Variants in OR10Z1 observed in about 807,000 individuals in gnomAD.
OR10Z1 encodes olfactory receptor family 10 subfamily Z member 1, also known as olfactory receptor 10Z1.
For missense variants in OR10Z1, 468 were observed against 371.0 expected (o/e 1.26, Z -2.15); for synonymous variants, 187 against 151.2 (o/e 1.24, Z -1.74).
rs116792162 is a variant in OR10Z1, at chr1:158,606,604, C to T, written c.166C>T (p.His56Tyr). The change falls in exon 2 of 2, where the codon CAC (histidine) becomes TAC (tyrosine). Residue 56 changes from histidine to tyrosine, a missense_variant. Physicochemically the swap from His to Tyr is moderately conservative, Grantham distance 83 (BLOSUM62 2). Transcript: ENST00000641002. ...AGCCATCAGGCTGGATAGCCATCTG[C>T]ACACCCCCATGTACCTCTTCCTTTC... is the stretch of plus-strand genomic sequence containing the variant. ...IIAIRLDSHL[H>Y]TPMYLFLSFL... 41 of 1,613,952 alleles carry T rather than the reference C, an allele frequency of 2.5e-5. No individual in the cohort carries two copies. Among genetic ancestry groups the T allele is most frequent in the Non-Finnish European group, 3.4e-5 (40 of 1,179,956 alleles).
Position 158,611,501 on chromosome 1 carries a change from G to C in OR10Z1, c.*4121G>C. 1.6e-6 allele frequency: 2 copies of C among 1,256,296 alleles called. No homozygotes were observed. Among genetic ancestry groups the C allele is most frequent in the South Asian group, 1.3e-5 (1 of 75,276 alleles). The allele number at this position is 1,256,296 out of a possible 1,614,324, so 77.8% of individuals were successfully genotyped here. A position where few individuals can be genotyped will look rare whatever the true frequency, so the allele number is the denominator to read the frequency against. On this transcript the variant is annotated 3_prime_UTR_variant, in exon 2 of 2. Coordinates refer to ENST00000641002, the MANE Select transcript of OR10Z1 (RefSeq NM_001004478.2). Reference sequence around the variant, plus strand: ...AGGAGATGGAGAGTCTCTGGAAGACGCAAGCCCTATTTCTATTACACACAA... The same window carrying C: ...AGGAGATGGAGAGTCTCTGGAAGACCCAAGCCCTATTTCTATTACACACAA...
At position 158,608,301 on chromosome 1, in the gene OR10Z1, G is replaced by A. The variant is rs760095185; in HGVS notation, c.*921G>A. The A allele has an allele frequency of 3.9e-5, 6 of 152,126 alleles. No homozygotes were observed. The highest frequency in any genetic ancestry group is 8.8e-5 in the Non-Finnish European group (6 of 68,020). 9.4% of individuals were successfully genotyped at this position (152,126 alleles called of 1,614,324 possible). On this transcript the variant is annotated 3_prime_UTR_variant, in exon 2 of 2. Coordinates refer to ENST00000641002, the MANE Select transcript of OR10Z1 (RefSeq NM_001004478.2). ...GCCTATTCCACTTTCCACATATAAT[G>A]TGGTTATATATAGCGGCGGACATTA...
At position 158,610,305 on chromosome 1, in the gene OR10Z1, C is replaced by T. The variant is rs1649179941; in HGVS notation, c.*2925C>T. Reference sequence around the variant, plus strand: ...AGAACGCTAGCAGTTTTATACACAGCAATTAAGATATCTAAGAATTCTCAC... The same window carrying T: ...AGAACGCTAGCAGTTTTATACACAGTAATTAAGATATCTAAGAATTCTCAC... On this transcript the variant is annotated 3_prime_UTR_variant, in exon 2 of 2. Coordinates refer to ENST00000641002, the MANE Select transcript of OR10Z1 (RefSeq NM_001004478.2). The T allele has an allele frequency of 6.6e-6, 1 of 152,062 alleles. No homozygotes were observed. The highest frequency in any genetic ancestry group is 2.4e-5 in the African/African-American group (1 of 41,412). 9.4% of individuals were successfully genotyped at this position (152,062 alleles called of 1,614,324 possible). A position where few individuals can be genotyped will look rare whatever the true frequency, so the allele number is the denominator to read the frequency against.
At position 158,606,348 on chromosome 1, in the gene OR10Z1, AG is replaced by A. The variant is rs1649046505; in HGVS notation, c.-90del. On this transcript the variant is annotated 5_prime_UTR_variant, in exon 2 of 2. An upstream open reading frame in the 5' UTR gains an earlier in-frame stop. Coordinates refer to ENST00000641002, the MANE Select transcript of OR10Z1 (RefSeq NM_001004478.2). ...AAGTTGCAACAGGAACAAGAGAAAA[AG>A]AATCCATATCATCCACCTTTTAAAG... 1.3e-6 allele frequency: 1 copy of A among 790,628 alleles called. No homozygotes were observed. The highest frequency in any genetic ancestry group is 2.1e-6 in the Non-Finnish European group (1 of 481,314). The allele number at this position is 790,628 out of a possible 1,614,324, so 49.0% of individuals were successfully genotyped here.
Position 158,606,967 on chromosome 1 carries a change from T to TC in OR10Z1, c.529_530insC (p.Phe177SerfsTer4), listed in dbSNP as rs1649069048. On this transcript the variant is annotated frameshift_variant, in exon 2 of 2. Coordinates refer to ENST00000641002, the MANE Select transcript of OR10Z1 (RefSeq NM_001004478.2). LOFTEE classifies it low-confidence loss of function (END_TRUNC). ...CTGCAGCTCCCATGAAATCCAGCAC[T>TC]TTTTTTGTGACACGCCACCTGTGCT... is the stretch of plus-strand genomic sequence containing the variant. 2 of 1,613,916 alleles carry TC rather than the reference T, an allele frequency of 1.2e-6. No homozygotes were observed. Among genetic ancestry groups the TC allele is most frequent in the African/African-American group, 2.7e-5 (2 of 74,904 alleles).
intron 1 of OR10Z1, among the ~76,000 whole-genome samples, chr1:158,605,997 A>G (rs1372474306): frequency 5.3e-5 from 8 of 152,226 alleles, no homozygotes; most frequent in African/African-American, 9.6e-5. Context: ...TTTGCATGCT[A>G]TCTATATACA....
In OR10Z1 at chr1:158,607,447, G is replaced by A. The variant is rs1238386894; in HGVS notation, c.*67G>A. ...ATAGACCAAGAACCCAAGCCAAAGG[G>A]CCAGGTATTCAAGGCCTCAGGCCAA... On this transcript the variant is annotated 3_prime_UTR_variant, in exon 2 of 2. Coordinates refer to ENST00000641002, the MANE Select transcript of OR10Z1 (RefSeq NM_001004478.2). The A allele has an allele frequency of 3.1e-6, 4 of 1,287,818 alleles. No homozygotes were observed. In the East Asian group the frequency reaches 7.0e-5, roughly 22 times the overall value. 79.8% of individuals were successfully genotyped at this position (1,287,818 alleles called of 1,614,324 possible).
In OR10Z1 at chr1:158,607,397, A is replaced by G; in HGVS notation, c.*17A>G. ...AAAGGATGAAGGTTACCCCAATAGG[A>G]CACTTTCTTCTGTGTAGGCTGGGCA... On this transcript the variant is annotated 3_prime_UTR_variant, in exon 2 of 2. Coordinates refer to ENST00000641002, the MANE Select transcript of OR10Z1 (RefSeq NM_001004478.2). The G allele has an allele frequency of 6.3e-7, 1 of 1,591,272 alleles. No individual in the cohort carries two copies. The highest frequency in any genetic ancestry group is 8.6e-7 in the Non-Finnish European group (1 of 1,162,524).
Position 158,607,335 on chromosome 1 carries a change from A to T in OR10Z1, c.897A>T (p.Thr299=), listed in dbSNP as rs773930048. 17 of 1,613,538 alleles carry T rather than the reference A, an allele frequency of 1.1e-5. No individual in the cohort carries two copies. Among genetic ancestry groups the T allele is most frequent in the Non-Finnish European group, 1.4e-5 (16 of 1,179,726 alleles). ...GTCTAAGGAATAGGGCTATACAGAC[A>T]GCTCTGAGGAATGCTTTCAGAGGGA... ...VYSLRNRAIQ[T]ALRNAFRGRL... The change falls in exon 2 of 2, where the codon ACA becomes ACT. Residue 299 remains threonine (T), a synonymous_variant. Transcript: ENST00000641002.
chr1:158,611,281 A>T lies in OR10Z1; in HGVS notation c.*3901A>T. On this transcript the variant is annotated 3_prime_UTR_variant, in exon 2 of 2. Transcript: ENST00000641002. ...GCTGCTTATTAGTTGCCAAAGTAGG[A>T]ATTGGTGAAGCCAACGTAGTCATAG... The T allele has an allele frequency of 6.2e-7, 1 of 1,613,790 alleles. No individual in the cohort carries two copies. The highest frequency in any genetic ancestry group is 8.5e-7 in the Non-Finnish European group (1 of 1,179,784).
rs549664412 is a variant in OR10Z1 at position 158,610,877 on chromosome 1, A to G, written c.*3497A>G. 204 of 202,872 alleles carry G rather than the reference A, an allele frequency of 1.0e-3. No homozygotes were observed. Among genetic ancestry groups the G allele is most frequent in the African/African-American group, 4.6e-3 (195 of 42,528 alleles). The allele number at this position is 202,872 out of a possible 1,614,324, so 12.6% of individuals were successfully genotyped here. The stretch of plus-strand genomic sequence containing the variant: ...ATGAGTACAGTTCCCAGAAATATAG[A>G]AGCTCAACATTTTACTTAACTTTGC... On this transcript the variant is annotated 3_prime_UTR_variant, in exon 2 of 2. Coordinates refer to ENST00000641002, the MANE Select transcript of OR10Z1 (RefSeq NM_001004478.2).
At position 158,611,131 on chromosome 1, in the gene OR10Z1, GC is replaced by G; in HGVS notation, c.*3752del. ...AAATGTAATATGCACACAAACACAA[GC>G]ACACACACACACACACACACACACA... On this transcript the variant is annotated 3_prime_UTR_variant, in exon 2 of 2. Coordinates refer to ENST00000641002, the MANE Select transcript of OR10Z1 (RefSeq NM_001004478.2). The G allele has an allele frequency of 1.5e-6, 1 of 670,346 alleles. No homozygotes were observed. Among genetic ancestry groups the G allele is most frequent in the Admixed American group, 2.3e-5 (1 of 43,668 alleles). 41.5% of individuals were successfully genotyped at this position (670,346 alleles called of 1,614,324 possible).
chr1:158,606,004 T>C (rs891270554), intron 1 of OR10Z1, among the ~76,000 whole-genome samples: 1 of 152,252 alleles, frequency 6.6e-6, no homozygotes, highest in African/African-American at 2.4e-5. Flanking sequence ...GCTATCTATA[T>C]ACATATGTGT....
rs1194163369 is a variant in OR10Z1, at chr1:158,608,627, A to G, written c.*1247A>G. 4 of 152,316 alleles carry G rather than the reference A, an allele frequency of 2.6e-5. No homozygotes were observed. Among genetic ancestry groups the G allele is most frequent in the Middle Eastern group, 3.4e-3 (1 of 294 alleles). 9.4% of individuals were successfully genotyped at this position (152,316 alleles called of 1,614,324 possible). On this transcript the variant is annotated 3_prime_UTR_variant, in exon 2 of 2. Transcript: ENST00000641002. The stretch of plus-strand genomic sequence containing the variant: ...TAGGTGGAGGATCAGAGAAGACTTC[A>G]TGTCTTAAATAGTATCTGAACTTGT...
At position 158,606,703 on chromosome 1, in the gene OR10Z1, G is replaced by C. The variant is rs762941391; in HGVS notation, c.265G>C (p.Asp89His). 6.2e-7 allele frequency: 1 copy of C among 1,614,028 alleles called. No individual in the cohort carries two copies. The highest frequency in any genetic ancestry group is 8.5e-7 in the Non-Finnish European group (1 of 1,179,966). Reference sequence around the variant, plus strand: ...AATGCTCTCTGGCCTGGCTGGGGGGGACCAGGCTATCTCCTATGTGGGCTG... The same window carrying C: ...AATGCTCTCTGGCCTGGCTGGGGGGCACCAGGCTATCTCCTATGTGGGCTG... The part of the protein sequence containing the change: ...PRMLSGLAGG[D>H]QAISYVGCAA... The change falls in exon 2 of 2, where the codon GAC (aspartate) becomes CAC (histidine). Residue 89 changes from aspartate to histidine, a missense_variant. Transcript: ENST00000641002.
Position 158,607,703 on chromosome 1 carries a change from G to A in OR10Z1, c.*323G>A, listed in dbSNP as rs1370445129. 4.4e-6 allele frequency: 1 copy of A among 226,352 alleles called. No homozygotes were observed. The highest frequency in any genetic ancestry group is 8.6e-6 in the Non-Finnish European group (1 of 115,780). 14.0% of individuals were successfully genotyped at this position (226,352 alleles called of 1,614,324 possible). ...TAATCAAGAATTTTTTAATTGAGCT[G>A]AACAAAATGAGGGAAGTTTGGAGTG... On this transcript the variant is annotated 3_prime_UTR_variant, in exon 2 of 2. Coordinates refer to ENST00000641002, the MANE Select transcript of OR10Z1 (RefSeq NM_001004478.2).
Position 158,609,563 on chromosome 1 carries a change from T to G in OR10Z1, c.*2183T>G, listed in dbSNP as rs747990612. On this transcript the variant is annotated 3_prime_UTR_variant, in exon 2 of 2. Transcript: ENST00000641002. ...AATACTTAGAGGTCTAACTTCCACA[T>G]GTAGTAGTCTTAAGTATGGAAGGGT... 2.6e-5 allele frequency: 4 copies of G among 152,190 alleles called. No homozygotes were observed. The highest frequency in any genetic ancestry group is 9.7e-5 in the African/African-American group (4 of 41,448). The allele number at this position is 152,190 out of a possible 1,614,324, so 9.4% of individuals were successfully genotyped here. A position where few individuals can be genotyped will look rare whatever the true frequency, so the allele number is the denominator to read the frequency against.
chr1:158,610,316 T>C lies in OR10Z1; in HGVS notation c.*2936T>C, dbSNP rs1649180577. ...AGTTTTATACACAGCAATTAAGATA[T>C]CTAAGAATTCTCACCAGCAAATGAC... On this transcript the variant is annotated 3_prime_UTR_variant, in exon 2 of 2. Coordinates refer to ENST00000641002, the MANE Select transcript of OR10Z1 (RefSeq NM_001004478.2). 2 of 152,220 alleles carry C rather than the reference T, an allele frequency of 1.3e-5. No individual in the cohort carries two copies. The highest frequency in any genetic ancestry group is 4.1e-4 in the South Asian group (2 of 4,824). The allele number at this position is 152,220 out of a possible 1,614,324, so 9.4% of individuals were successfully genotyped here.
chr1:158,606,870 G>A lies in OR10Z1; in HGVS notation c.432G>A (p.Leu144=), dbSNP rs1344101865. 1 of 1,613,938 alleles carries A rather than the reference G, an allele frequency of 6.2e-7. No homozygotes were observed. The highest frequency in any genetic ancestry group is 1.7e-5 in the Admixed American group (1 of 59,962). ...TGAATCCTACCCTCTGTGCCCAGCTGGTCATTACTTCCTTCCTGACTGGAT... is the reference window on the plus strand; with the variant it reads ...TGAATCCTACCCTCTGTGCCCAGCTAGTCATTACTTCCTTCCTGACTGGAT... The part of the protein sequence containing the change: ...SHMNPTLCAQ[L]VITSFLTGYL... Residue 144 remains leucine (L), a synonymous_variant, in exon 2 of 2, where the codon CTG becomes CTA. Coordinates refer to ENST00000641002, the MANE Select transcript of OR10Z1 (RefSeq NM_001004478.2).
Sources: allele counts gnomAD v4.1 joint callset (sites outside exome capture counted in the v4.1 genomes callset), GRCh38; gene constraint gnomAD v4.1.1; transcripts MANE v1.5; gene names NCBI Gene and HGNC (gene_info 2026-07-23, HGNC 2026-07-21).